ABCA12: variants seen among roughly 807,000 people sequenced by gnomAD.
ABCA12 encodes the protein ATP binding cassette subfamily A member 12.
A neutral mutation model predicts 293.5 loss-of-function variants in ABCA12; 156 were observed. That is an observed-to-expected ratio of 0.53 (90% CI 0.47 to 0.61). The LOEUF (loss-of-function observed/expected upper bound fraction) is 0.61. ABCA12 is among the 20% of genes least tolerant of loss of function. The probability of loss-of-function intolerance (pLI) is 0.00; values close to 1 mark genes in which losing one functional copy is unlikely to be tolerated. For synonymous variants in ABCA12, 1,063 were observed against 1,108.0 expected (o/e 0.96, Z 0.81); for missense variants, 2,797 against 3,090.2 (o/e 0.91, Z 2.25).
chr2:214,966,245 G>A (rs1699255327), intron 39 of ABCA12, among the ~76,000 whole-genome samples: 1 of 152,192 alleles, frequency 6.6e-6, no homozygotes, highest in Non-Finnish European at 1.5e-5. Flanking sequence ...GAGCGCAGAG[G>A]ATGGAAGGAG....
chr2:214,945,589 T>G (rs1405403555), intron 48 of ABCA12, among the ~76,000 whole-genome samples: 1 of 152,160 alleles, frequency 6.6e-6, no homozygotes, highest in Non-Finnish European at 1.5e-5. Flanking sequence ...CTAACACTCC[T>G]TGGGAAATAA....
At chr2:214,951,979 T>A (rs1698788705) in intron 44 of ABCA12, among the ~76,000 whole-genome samples, 1 of 151,978 alleles carries the variant, frequency 6.6e-6, no homozygotes, top group Admixed American at 6.6e-5. Context: ...ACCTAGGATT[T>A]AGCCAATATT....
At chr2:214,940,175 G>C (rs1283891506) in intron 50 of ABCA12, among the ~76,000 whole-genome samples, 4 of 152,124 alleles carry the variant, frequency 2.6e-5, no homozygotes, top group African/African-American at 7.2e-5. Context: ...TAGCATGAAG[G>C]GGTGTTGAAT....
chr2:214,999,727 G>T, intron 22 of ABCA12: 1 of 855,942 alleles, frequency 1.2e-6, no homozygotes, highest in Non-Finnish European at 1.4e-6. Context: ...GCACAGTCCC[G>T]TCCACAACAG....
chr2:214,975,634 C>T, intron 34 of ABCA12, 151 bp downstream of exon 34: 1 of 1,075,444 alleles, frequency 9.3e-7, no homozygotes, highest in East Asian at 2.5e-5. Context: ...TAACATATTG[C>T]AATCAATCAA....
intron 2 of ABCA12, chr2:215,075,473 A>G (rs1404483285): frequency 3.0e-6 from 2 of 664,748 alleles, no homozygotes; most frequent in African/African-American, 1.8e-5. Flanking sequence ...GCGAGAGTCA[A>G]AAAGCATCCT....
chr2:215,107,530 C>G (rs1293043871), intron 2 of ABCA12, among the ~76,000 whole-genome samples: 1 of 152,184 alleles, frequency 6.6e-6, no homozygotes, highest in Non-Finnish European at 1.5e-5. Flanking sequence ...GTTACCTAAG[C>G]CATTTGTTGC....
At chr2:215,057,248 C>T (rs1382224796) in intron 3 of ABCA12, among the ~76,000 whole-genome samples, 1 of 152,004 alleles carries the variant, frequency 6.6e-6, no homozygotes, top group African/African-American at 2.4e-5. Flanking sequence ...AATAATAACA[C>T]CTACTTTGCA....
chr2:215,135,203 C>T (rs933854341), intron 1 of ABCA12, among the ~76,000 whole-genome samples: 1 of 152,188 alleles, frequency 6.6e-6, no homozygotes, highest in Admixed American at 6.5e-5. Context: ...AAGTGATCCA[C>T]CTGATTCGGC....
In ABCA12 at chr2:215,025,608, T is replaced by TG. The variant is rs1454305798; in HGVS notation, c.1287+64_1287+65insC. 7.2e-6 allele frequency: 8 copies of TG among 1,111,192 alleles called. No individual in the cohort carries two copies. The Admixed American group carries it at 1.9e-4, about 27-fold the overall frequency. 68.8% of individuals were successfully genotyped at this position (1,111,192 alleles called of 1,614,324 possible). On this transcript the variant is annotated intron_variant, in intron 11 of 52. Transcript: ENST00000272895. ...TTATGAGAAGTGTTAAGGTTTTTTT[T>TG]TTGTTTGTTTTGTCTTTTTGTTTTT...
intron 7 of ABCA12, among the ~76,000 whole-genome samples, chr2:215,039,193 T>C (rs1701047736): frequency 6.6e-6 from 1 of 152,204 alleles, no homozygotes; most frequent in Non-Finnish European, 1.5e-5. Flanking sequence ...CATTATATAA[T>C]CTGATTTCGG....
At chr2:215,007,242 C>G (rs1226378334) in intron 19 of ABCA12, among the ~76,000 whole-genome samples, 1 of 152,030 alleles carries the variant, frequency 6.6e-6, no homozygotes, top group Non-Finnish European at 1.5e-5. Flanking sequence ...CAGATAAATA[C>G]GTTAACGAGA....
At chr2:215,128,204 G>A (rs1336004349) in intron 1 of ABCA12, among the ~76,000 whole-genome samples, 1 of 152,082 alleles carries the variant, frequency 6.6e-6, no homozygotes, top group African/African-American at 2.4e-5. Context: ...AGGTTACCTG[G>A]TGCTTCTGTC....
intron 37 of ABCA12, among the ~76,000 whole-genome samples, chr2:214,969,015 A>T (rs577181262): frequency 9.2e-5 from 14 of 152,218 alleles, no homozygotes; most frequent in African/African-American, 3.4e-4. Context: ...ACTAGAGGCA[A>T]TAAGTCCTAA....
intron 8 of ABCA12, 163 bp from the exon 9 acceptor site, chr2:215,032,059 G>T: frequency 6.7e-7 from 1 of 1,486,470 alleles, no homozygotes. Context: ...CTCTTTTGTT[G>T]GAAATATTTG....
At chr2:215,062,390 C>T (rs7572450) in intron 3 of ABCA12, among the ~76,000 whole-genome samples, 57,000 of 151,824 alleles carry the variant, frequency 0.38, 11,340 homozygotes, top group South Asian at 0.59. Context: ...CACACCGGTG[C>T]TCATTGAGGT....
At chr2:215,053,960 G>A (rs756535025) in intron 4 of ABCA12, among the ~76,000 whole-genome samples, 33 of 152,122 alleles carry the variant, frequency 2.2e-4, no homozygotes, top group Admixed American at 5.9e-4. Context: ...GCTCAGAAAC[G>A]CATGTTTTGA....
chr2:214,995,361 A>G (rs1012201419), intron 23 of ABCA12, among the ~76,000 whole-genome samples: 3 of 152,252 alleles, frequency 2.0e-5, no homozygotes, highest in Non-Finnish European at 2.9e-5. Context: ...AAAAGATAGT[A>G]TTAAAAAGTG....
chr2:215,105,163 G>A (rs2970962), intron 2 of ABCA12, among the ~76,000 whole-genome samples: 11 of 152,086 alleles, frequency 7.2e-5, no homozygotes, highest in African/African-American at 2.7e-4. Context: ...CTATTAATGT[G>A]CTATCTATCC....
Sources: allele counts gnomAD v4.1 joint callset (sites outside exome capture counted in the v4.1 genomes callset), GRCh38; gene constraint gnomAD v4.1.1; transcripts MANE v1.5; gene names NCBI Gene and HGNC (gene_info 2026-07-23, HGNC 2026-07-21).